Variants in BRINP3 observed in about 807,000 individuals in gnomAD.
BRINP3 encodes BMP/retinoic acid inducible neural specific 3, also known as BMP/retinoic acid-inducible neural-specific protein 3.
BRINP3 carries 19 observed loss-of-function variants against 71.0 expected under a neutral mutation model. The ratio of observed to expected loss-of-function variants is 0.27; its 90% CI spans 0.19 to 0.39. BRINP3 has a LOEUF of 0.39. Among genes scored for constraint, BRINP3 ranks in the 10% least tolerant of loss-of-function variants. The pLI is 1.00. For missense variants in BRINP3, 959 were observed against 940.8 expected, an observed-to-expected ratio of 1.02 and a Z score of -0.25; for synonymous variants, 380 against 337.7, an observed-to-expected ratio of 1.13 and a Z score of -1.37.
At chr1:190,272,756 A>C (rs1284166046) in intron 3 of BRINP3, among the ~76,000 whole-genome samples, 1 of 151,464 alleles carries the variant, frequency 6.6e-6, no homozygotes, top group East Asian at 1.9e-4. Context: ...CCATTAATAA[A>C]TTGCTCATGG....
At chr1:190,446,044 G>A (rs1417022502) in intron 2 of BRINP3, among the ~76,000 whole-genome samples, 2 of 151,774 alleles carry the variant, frequency 1.3e-5, no homozygotes, top group South Asian at 2.1e-4. Flanking sequence ...TTATAGTAAC[G>A]ATTATACACA....
chr1:190,432,041 C>T (rs901291635), intron 2 of BRINP3, among the ~76,000 whole-genome samples: 1 of 152,014 alleles, frequency 6.6e-6, no homozygotes, highest in African/African-American at 2.4e-5. Context: ...ACACCGTTAA[C>T]AAACATGTTC....
chr1:190,450,251 C>G (rs774588247), intron 2 of BRINP3, among the ~76,000 whole-genome samples: 1 of 152,114 alleles, frequency 6.6e-6, no homozygotes, highest in African/African-American at 2.4e-5. Flanking sequence ...TGACACAGCT[C>G]CCTTCTGTAT....
intron 2 of BRINP3, among the ~76,000 whole-genome samples, chr1:190,413,123 C>A (rs551781791): frequency 6.6e-6 from 1 of 152,006 alleles, no homozygotes; most frequent in South Asian, 2.1e-4. Context: ...TTTTATAAAC[C>A]AAATCTATTT....
At chr1:190,267,829 C>T (rs1661787630) in intron 3 of BRINP3, among the ~76,000 whole-genome samples, 1 of 151,952 alleles carries the variant, frequency 6.6e-6, no homozygotes, top group South Asian at 2.1e-4. Context: ...TTCCCCACAA[C>T]CCCCCAAAAA....
intron 3 of BRINP3, among the ~76,000 whole-genome samples, chr1:190,273,983 T>A (rs545853605): frequency 6.6e-6 from 1 of 151,754 alleles, no homozygotes; most frequent in Admixed American, 6.6e-5. Context: ...ATGCATTATA[T>A]TTATTCTGAT....
chr1:190,124,862 T>C (rs1442503708), intron 7 of BRINP3, among the ~76,000 whole-genome samples: 3 of 152,064 alleles, frequency 2.0e-5, no homozygotes, highest in Non-Finnish European at 4.4e-5. Flanking sequence ...TATATTTACC[T>C]AAAATCTTTA....
chr1:190,400,413 T>A (rs1003116014), intron 2 of BRINP3, among the ~76,000 whole-genome samples: 66 of 152,220 alleles, frequency 4.3e-4, no homozygotes, highest in African/African-American at 1.6e-3. Flanking sequence ...ATTAATGTAG[T>A]AAAGAAAAAA....
At chr1:190,292,185 G>T (rs1004726209) in intron 2 of BRINP3, among the ~76,000 whole-genome samples, 2 of 152,038 alleles carry the variant, frequency 1.3e-5, no homozygotes, top group African/African-American at 4.8e-5. Context: ...CTGGCCAAAT[G>T]ATACAAAATG....
At chr1:190,316,433 C>G (rs1289610732) in intron 2 of BRINP3, among the ~76,000 whole-genome samples, 1 of 151,976 alleles carries the variant, frequency 6.6e-6, no homozygotes, top group Non-Finnish European at 1.5e-5. Context: ...TATTCTGAGA[C>G]AAAATTATTG....
chr1:190,309,230 A>G (rs1325469610), intron 2 of BRINP3, among the ~76,000 whole-genome samples: 1 of 151,902 alleles, frequency 6.6e-6, no homozygotes, highest in African/African-American at 2.4e-5. Context: ...TTCCACCTAT[A>G]TGAGTTGTTT....
chr1:190,170,211 A>T (rs1240118518), intron 6 of BRINP3, among the ~76,000 whole-genome samples: 1 of 152,124 alleles, frequency 6.6e-6, no homozygotes, highest in Admixed American at 6.6e-5. Context: ...TGTGAAATGA[A>T]TTTGAATTAT....
chr1:190,271,713 C>G (rs928949213), intron 3 of BRINP3, among the ~76,000 whole-genome samples: 1 of 151,442 alleles, frequency 6.6e-6, no homozygotes, highest in Non-Finnish European at 1.5e-5. Context: ...CAGATAAATG[C>G]TTTTCAGATA....
At chr1:190,254,557 T>C (rs1400860731) in intron 4 of BRINP3, among the ~76,000 whole-genome samples, 1 of 152,296 alleles carries the variant, frequency 6.6e-6, no homozygotes, top group East Asian at 1.9e-4. Context: ...AGTTCACTCA[T>C]GATTTGGCTC....
chr1:190,198,461 C>A (rs182760267), intron 6 of BRINP3, among the ~76,000 whole-genome samples: 38 of 152,230 alleles, frequency 2.5e-4, no homozygotes, highest in Middle Eastern at 3.4e-3. Flanking sequence ...AGTTCCAATT[C>A]CAACCATATA....
chr1:190,284,748 T>C (rs1438080497), intron 2 of BRINP3, among the ~76,000 whole-genome samples: 3 of 152,056 alleles, frequency 2.0e-5, no homozygotes. Context: ...TCTATTAATC[T>C]ATTATCTCTG....
intron 2 of BRINP3, among the ~76,000 whole-genome samples, chr1:190,434,399 C>A (rs1248124399): frequency 6.6e-6 from 1 of 151,950 alleles, no homozygotes; most frequent in African/African-American, 2.4e-5. Flanking sequence ...CATGACCCAC[C>A]GTTCCCAGCC....
At chr1:190,184,743 G>A (rs932025906) in intron 6 of BRINP3, among the ~76,000 whole-genome samples, 1 of 152,098 alleles carries the variant, frequency 6.6e-6, no homozygotes, top group Non-Finnish European at 1.5e-5. Flanking sequence ...CTAGAAGTGG[G>A]AAGGAGGGAG....
intron 2 of BRINP3, among the ~76,000 whole-genome samples, chr1:190,284,997 C>T (rs1335840774): frequency 6.6e-6 from 1 of 152,034 alleles, no homozygotes; most frequent in African/African-American, 2.4e-5. Context: ...GTATATCCAA[C>T]AAGGTTAGTT....
Sources: gnomAD v4.1 joint callset for allele counts (sites outside exome capture counted in the v4.1 genomes callset) on GRCh38, gnomAD v4.1.1 for gene constraint, MANE v1.5 for transcripts, NCBI Gene and HGNC (gene_info 2026-07-23, HGNC 2026-07-21) for gene names.